The following SUGCT variants were observed in gnomAD, a reference collection of about 807,000 sequenced individuals.
SUGCT encodes succinyl-CoA:glutarate-CoA transferase, also known as succinyl-CoA:glutarate CoA-transferase.
Under a neutral mutation model 55.0 loss-of-function variants are expected in SUGCT, and 41 were observed. The ratio of observed to expected loss-of-function variants is 0.74; its 90% CI spans 0.58 to 0.97. The LOEUF (loss-of-function observed/expected upper bound fraction) is 0.97. Ranked by LOEUF, SUGCT falls within the 50% of genes least tolerant of loss-of-function variation. The pLI, the probability that SUGCT is intolerant of heterozygous loss-of-function variation, is 0.00. For synonymous variants in SUGCT, 187 were observed against 200.4 expected, an observed-to-expected ratio of 0.93 and a Z score of 0.56; for missense variants, 568 against 547.8, an observed-to-expected ratio of 1.04 and a Z score of -0.37.
chr7:40,542,519 G>A (rs1036918666), intron 12 of SUGCT, among the ~76,000 whole-genome samples: 9 of 152,240 alleles, frequency 5.9e-5, no homozygotes, highest in Admixed American at 3.3e-4. Context: ...TTATCCCATA[G>A]TACTGATTAG....
At chr7:40,664,875 G>C (rs565288804) in intron 12 of SUGCT, among the ~76,000 whole-genome samples, 1 of 151,610 alleles carries the variant, frequency 6.6e-6, no homozygotes, top group Non-Finnish European at 1.5e-5. Context: ...AGCTGCTCGG[G>C]AGGCTGAGGC....
chr7:40,986,407 C>T, the SUGCT span, among the ~76,000 whole-genome samples: 27 of 152,208 alleles, frequency 1.8e-4, no homozygotes, highest in African/African-American at 5.3e-4. Context: ...TGGGGAAATA[C>T]GAAAACCATC....
intron 12 of SUGCT, among the ~76,000 whole-genome samples, chr7:40,595,022 T>G (rs1304348426): frequency 6.6e-6 from 1 of 152,098 alleles, no homozygotes; most frequent in Admixed American, 6.5e-5. Context: ...GCCCTGAATA[T>G]GAAAAAAGAG....
intron 6 of SUGCT, among the ~76,000 whole-genome samples, chr7:40,227,634 T>C (rs753790186): frequency 1.3e-5 from 2 of 152,098 alleles, no homozygotes; most frequent in Non-Finnish European, 2.9e-5. Flanking sequence ...TTAATTGATA[T>C]ATAATAGTTG....
chr7:40,258,665 C>T (rs1790997139), intron 7 of SUGCT, among the ~76,000 whole-genome samples: 2 of 152,218 alleles, frequency 1.3e-5, no homozygotes, highest in Admixed American at 1.3e-4. Flanking sequence ...GCGTGAGCCA[C>T]CACACCCGGC....
intron 3 of SUGCT, among the ~76,000 whole-genome samples, chr7:40,182,519 G>A (rs572735873): frequency 7.0e-4 from 103 of 147,396 alleles, no homozygotes; most frequent in African/African-American, 2.4e-3. Context: ...CCAAGGTCAT[G>A]CCACTGCACT....
At chr7:40,404,940 T>C (rs1786278697) in intron 9 of SUGCT, among the ~76,000 whole-genome samples, 1 of 152,208 alleles carries the variant, frequency 6.6e-6, no homozygotes, top group South Asian at 2.1e-4. Context: ...CTAATTCTGG[T>C]GTCTTTATAG....
chr7:40,658,348 T>A (rs539056281), intron 12 of SUGCT, among the ~76,000 whole-genome samples: 8 of 152,218 alleles, frequency 5.3e-5, no homozygotes, highest in Non-Finnish European at 1.0e-4. Flanking sequence ...TTCCGTCTCT[T>A]AATTTCCTAT....
At chr7:40,291,562 G>A (rs906592538) in intron 8 of SUGCT, among the ~76,000 whole-genome samples, 9 of 150,742 alleles carry the variant, frequency 6.0e-5, no homozygotes, top group Non-Finnish European at 1.0e-4. Flanking sequence ...GTTAAATGGC[G>A]AGTTAATGGG....
At chr7:40,891,241 T>A in the SUGCT span, among the ~76,000 whole-genome samples, 7 of 152,166 alleles carry the variant, frequency 4.6e-5, no homozygotes, top group Non-Finnish European at 8.8e-5. Context: ...AAGCATATTT[T>A]AAAAATTAAT....
chr7:40,959,234 C>T, the SUGCT span, among the ~76,000 whole-genome samples: 1 of 152,334 alleles, frequency 6.6e-6, no homozygotes, highest in South Asian at 2.1e-4. Context: ...GCCAGCATGC[C>T]AGAACATTTA....
intron 12 of SUGCT, among the ~76,000 whole-genome samples, chr7:40,686,919 T>A (rs1461486186): frequency 2.6e-5 from 4 of 152,120 alleles, no homozygotes; most frequent in Admixed American, 2.6e-4. Flanking sequence ...TTACAAACTT[T>A]AAGCCGATGC....
chr7:40,309,537 C>T (rs1584642850), intron 8 of SUGCT, among the ~76,000 whole-genome samples: 1 of 152,214 alleles, frequency 6.6e-6, no homozygotes, highest in African/African-American at 2.4e-5. Flanking sequence ...TCAAGTGATC[C>T]ACCTGCCTTG....
the SUGCT span, among the ~76,000 whole-genome samples, chr7:40,970,882 G>C: frequency 5.0e-4 from 76 of 152,272 alleles, no homozygotes; most frequent in African/African-American, 1.8e-3. Context: ...GACTTTACAT[G>C]CTGGGACATC....
rs1355460497 is a variant in SUGCT at position 40,272,091 on chromosome 7, C to CTA, written c.577-2421_577-2420insAT. 7.7e-3 allele frequency among the ~76,000 whole-genome samples: 654 copies of CTA among 84,676 alleles called. 20 individuals are homozygous for CTA. Among genetic ancestry groups the CTA allele is most frequent in the African/African-American group, 0.016 (303 of 19,506 alleles). The allele number at this position is 84,676 out of a possible 152,430, so 55.6% of individuals were successfully genotyped here. A position where few individuals can be genotyped will look rare whatever the true frequency, so the allele number is the denominator to read the frequency against. On this transcript the variant is annotated intron_variant, in intron 7 of 13. Transcript: ENST00000335693. ...TCGCTCTCTCTCTCTCTCTCTCTCT[C>CTA]TCTCTATATATATATATATATGGAT...
the SUGCT span, among the ~76,000 whole-genome samples, chr7:40,920,271 A>G: frequency 5.9e-5 from 9 of 152,166 alleles, no homozygotes; most frequent in Non-Finnish European, 1.0e-4. Context: ...GATATGGCAT[A>G]TATGATGCCC....
rs567070141 is a variant in SUGCT at position 40,797,582 on chromosome 7, C to A, written c.1153+48085C>A. ...ATCTCTTAGATTTATCCCTTCCTCTCCATTCCTACATTTTCTATCCCATGT... is the reference window on the plus strand; with the variant it reads ...ATCTCTTAGATTTATCCCTTCCTCTACATTCCTACATTTTCTATCCCATGT... On this transcript the variant is annotated intron_variant, in intron 13 of 13. Transcript: ENST00000335693. Among the ~76,000 whole-genome samples, 7 of 152,312 alleles carry A rather than the reference C, an allele frequency of 4.6e-5. No individual in the cohort carries two copies. The South Asian group carries it at 1.5e-3, about 32-fold the overall frequency.
At chr7:40,555,518 A>G (rs1469805328) in intron 12 of SUGCT, among the ~76,000 whole-genome samples, 2 of 151,940 alleles carry the variant, frequency 1.3e-5, no homozygotes, top group African/African-American at 4.8e-5. Context: ...TTGAGCTTTC[A>G]CAGGCCCATG....
the SUGCT span, among the ~76,000 whole-genome samples, chr7:40,930,866 A>G: frequency 6.6e-6 from 1 of 152,214 alleles, no homozygotes; most frequent in African/African-American, 2.4e-5. Context: ...GTCACTTGCA[A>G]ACAGGGACGA....
Sources: gnomAD v4.1 joint callset for allele counts (sites outside exome capture counted in the v4.1 genomes callset) on GRCh38, gnomAD v4.1.1 for gene constraint, MANE v1.5 for transcripts, NCBI Gene and HGNC (gene_info 2026-07-23, HGNC 2026-07-21) for gene names.